ATP2A1: variants seen among roughly 807,000 people sequenced by gnomAD.
ATP2A1 encodes sarcoplasmic/endoplasmic reticulum calcium ATPase 1.
Under a neutral mutation model 109.5 loss-of-function variants are expected in ATP2A1, and 83 were observed. That is an observed-to-expected ratio of 0.76 (90% CI 0.63 to 0.91). ATP2A1 has a LOEUF of 0.91. Ranked by LOEUF, ATP2A1 falls within the 40% of genes least tolerant of loss-of-function variation. The pLI, the probability that ATP2A1 is intolerant of heterozygous loss-of-function variation, is 0.00. For missense variants in ATP2A1, 1,101 were observed against 1,341.0 expected (o/e 0.82, Z 2.80); for synonymous variants, 505 against 537.6 (o/e 0.94, Z 0.84).
At chr16:28,901,328 CAAAAAAAA>C (rs768320423) in intron 15 of ATP2A1, among the ~76,000 whole-genome samples, 1 of 55,922 alleles carries the variant, frequency 1.8e-5, no homozygotes, top group Admixed American at 2.2e-4. Context: ...GACCCTGTCT[CAAAAAAAA>C]AAAAAAAAAA....
intron 6 of ATP2A1, among the ~76,000 whole-genome samples, chr16:28,884,946 T>C (rs1446907611): frequency 1.3e-5 from 2 of 151,704 alleles, no homozygotes; most frequent in Non-Finnish European, 2.9e-5. Context: ...TCTGTCAAAA[T>C]AAAAACAAAA....
intron 12 of ATP2A1, among the ~76,000 whole-genome samples, chr16:28,895,360 C>G (rs1028042480): frequency 6.6e-6 from 1 of 152,196 alleles, no homozygotes; most frequent in African/African-American, 2.4e-5. Flanking sequence ...AAAGCCTTTC[C>G]TTGCCCAGAT....
Position 28,900,702 on chromosome 16 carries a change from A to C in ATP2A1, c.1886A>C (p.Lys629Thr), listed in dbSNP as rs778670051. The C allele has an allele frequency of 1.2e-6, 2 of 1,614,018 alleles. No homozygotes were observed. Among genetic ancestry groups the C allele is most frequent in the Non-Finnish European group, 1.7e-6 (2 of 1,179,926 alleles). Residue 629 changes from lysine to threonine, a missense_variant, in exon 15 of 23, where the codon AAG becomes ACG. Transcript: ENST00000395503. ...IRVIMITGDN[K>T]GTAIAICRRI... ...GTGATCATGATCACTGGGGACAACA[A>C]GGGCACAGCCATTGCCATCTGCCGG...
intron 9 of ATP2A1, among the ~76,000 whole-genome samples, chr16:28,893,446 G>A (rs995427818): frequency 1.5e-4 from 23 of 152,054 alleles, no homozygotes; most frequent in Non-Finnish European, 1.8e-4. Context: ...AGATTTCATA[G>A]GAAGATAACC....
Position 28,904,459 on chromosome 16 carries a change from A to C in ATP2A1, c.*317A>C, listed in dbSNP as rs1375078058. 45 of 1,518,882 alleles carry C rather than the reference A, an allele frequency of 3.0e-5. No individual in the cohort carries two copies. Among genetic ancestry groups the C allele is most frequent in the Non-Finnish European group, 3.8e-5 (43 of 1,136,096 alleles). 94.1% of individuals were successfully genotyped at this position (1,518,882 alleles called of 1,614,324 possible). ...TTATTTATTGAAAATAAACGACGGA[A>C]AAGTCTGGCCTTGCCTCTGTGCAAG... On this transcript the variant is annotated 3_prime_UTR_variant, in exon 23 of 23. Coordinates refer to ENST00000395503, the MANE Select transcript of ATP2A1 (RefSeq NM_004320.6).
intron 4 of ATP2A1, 93 bp downstream of exon 4, chr16:28,881,112 C>G: frequency 1.6e-6 from 2 of 1,260,288 alleles, no homozygotes; most frequent in Non-Finnish European, 2.3e-6. Flanking sequence ...TCACCTCCCC[C>G]ATACTTGCCT....
intron 1 of ATP2A1, 71 bp from the exon 2 acceptor site, chr16:28,879,028 A>G (rs781433311): frequency 6.4e-5 from 102 of 1,601,978 alleles, no homozygotes; most frequent in Non-Finnish European, 8.3e-5. Flanking sequence ...CTTAGCCACA[A>G]AGTCTTGGGT....
At chr16:28,892,028 T>G (rs763390867) in intron 9 of ATP2A1, among the ~76,000 whole-genome samples, 11 of 152,194 alleles carry the variant, frequency 7.2e-5, no homozygotes, top group Non-Finnish European at 1.6e-4. Flanking sequence ...CACACATGCT[T>G]CTTTATTAAG....
chr16:28,891,589 C>CAAAAAAAAAAA lies in ATP2A1; in HGVS notation c.1096-2558_1096-2548dup, dbSNP rs58605175. ...TGGGCGACAGAGCGAGACTCCGTCTCAAAAAAAAAAAAAAAAAAGTAGCCA... is the reference window on the plus strand; with the variant it reads ...TGGGCGACAGAGCGAGACTCCGTCTCAAAAAAAAAAAAAAAAAAAAAAAAAAAAAGTAGCCA... On this transcript the variant is annotated intron_variant, in intron 9 of 22. Transcript: ENST00000395503. 4.1e-5 allele frequency among the ~76,000 whole-genome samples: 3 copies of CAAAAAAAAAAA among 72,668 alleles called. 1 individual carries two copies. Among genetic ancestry groups the CAAAAAAAAAAA allele is most frequent in the African/African-American group, 1.3e-4 (2 of 15,176 alleles). The allele number at this position is 72,668 out of a possible 152,430, so 47.7% of individuals were successfully genotyped here.
chr16:28,892,920 T>TCCCCTGCAGA (rs1567485762), intron 9 of ATP2A1, among the ~76,000 whole-genome samples: 3 of 151,992 alleles, frequency 2.0e-5, no homozygotes, highest in Non-Finnish European at 4.4e-5. Context: ...GGCGTATGCC[T>TCCCCTGCAGA]GTACTCCCAG....
Position 28,880,085 on chromosome 16 carries a change from C to A in ATP2A1, c.219+502C>A, listed in dbSNP as rs532572247. 7.0e-6 allele frequency: 7 copies of A among 997,548 alleles called. No homozygotes were observed. The South Asian group carries it at 3.2e-4, about 45-fold the overall frequency. 61.8% of individuals were successfully genotyped at this position (997,548 alleles called of 1,614,324 possible). ...CGGTGTGATGATGACTCCAAGGAGC[C>A]CGGCGCCCGGTCAGGGAGGGCACTG... On this transcript the variant is annotated intron_variant, in intron 3 of 22. Coordinates refer to ENST00000395503, the MANE Select transcript of ATP2A1 (RefSeq NM_004320.6). The surrounding 1 kb of genome is among the most constrained non-coding windows in gnomAD (Gnocchi z 4.2).
chr16:28,887,439 A>AG lies in ATP2A1; in HGVS notation c.646dup (p.Ala216GlyfsTer40). The stretch of plus-strand genomic sequence containing the variant: ...TCCCTTCCCAGGGCACCAACATTGC[A>AG]GCCGGCAAGGCCTTGGGCATCGTGG... On this transcript the variant is annotated frameshift_variant, in exon 8 of 23. Transcript: ENST00000395503. LOFTEE classifies it high-confidence loss of function. 1 of 1,614,050 alleles carries AG rather than the reference A, an allele frequency of 6.2e-7. No homozygotes were observed. Among genetic ancestry groups the AG allele is most frequent in the African/African-American group, 1.3e-5 (1 of 75,018 alleles).
chr16:28,879,718 C>T (rs1456999253), intron 3 of ATP2A1, 135 bp downstream of exon 3: 2 of 1,082,872 alleles, frequency 1.8e-6, no homozygotes, highest in Admixed American at 4.0e-5. Context: ...GGCTGGCGCG[C>T]AGCAGCGGGT....
chr16:28,879,678 T>G, intron 3 of ATP2A1, 95 bp downstream of exon 3: 1 of 1,363,058 alleles, frequency 7.3e-7, no homozygotes, highest in Middle Eastern at 2.4e-4. Context: ...CCCGTCCGAG[T>G]CCCGAGCATC....
chr16:28,900,520 T>G, intron 14 of ATP2A1, 61 bp from the exon 15 acceptor site: 1 of 1,456,016 alleles, frequency 6.9e-7, no homozygotes. Context: ...CCCACCAGCT[T>G]CCTCCAGGGG....
At position 28,903,228 on chromosome 16, in the gene ATP2A1, G is replaced by C. The variant is rs550626299; in HGVS notation, c.2862+81G>C. On this transcript the variant is annotated intron_variant, in intron 20 of 22. Coordinates refer to ENST00000395503, the MANE Select transcript of ATP2A1 (RefSeq NM_004320.6). The surrounding 1 kb of genome is among the most constrained non-coding windows in gnomAD (Gnocchi z 5.6). Reference sequence around the variant, plus strand: ...GCCCATGACCACTCCCACCAGGGGCGCCGATGTGGGAGGCTGGTGGGAGTG... The same window carrying C: ...GCCCATGACCACTCCCACCAGGGGCCCCGATGTGGGAGGCTGGTGGGAGTG... 1.3e-6 allele frequency: 2 copies of C among 1,576,028 alleles called. No homozygotes were observed. Among genetic ancestry groups the C allele is most frequent in the Non-Finnish European group, 1.7e-6 (2 of 1,146,888 alleles).
Position 28,903,423 on chromosome 16 carries a change from C to T in ATP2A1, c.2963C>T (p.Ala988Val), listed in dbSNP as rs1964149581. 1.2e-6 allele frequency: 2 copies of T among 1,613,596 alleles called. No homozygotes were observed. Among genetic ancestry groups the T allele is most frequent in the South Asian group, 1.1e-5 (1 of 91,086 alleles). Residue 988 changes from alanine to valine, a missense_variant, in exon 21 of 23, where the codon GCT becomes GTT. Ala to Val is a moderately conservative substitution (Grantham distance 64). Coordinates refer to ENST00000395503, the MANE Select transcript of ATP2A1 (RefSeq NM_004320.6). The surrounding 1 kb of genome is among the most constrained non-coding windows in gnomAD (Gnocchi z 5.6). ...IGLDEILKFVARNYLEG is the reference protein window; with the variant it reads ...IGLDEILKFVVRNYLEG Reference sequence around the variant, plus strand: ...CTCGACGAAATCCTCAAGTTCGTTGCTCGGAACTACCTAGAGGGTAAGGAG... The same window carrying T: ...CTCGACGAAATCCTCAAGTTCGTTGTTCGGAACTACCTAGAGGGTAAGGAG...
intron 1 of ATP2A1, 119 bp from the exon 2 acceptor site, chr16:28,878,980 T>A: frequency 2.7e-6 from 4 of 1,456,550 alleles, no homozygotes; most frequent in Non-Finnish European, 3.9e-6. Flanking sequence ...GAGGTTTTAA[T>A]GGGATGAACT....
chr16:28,890,518 G>A (rs1433253389), intron 9 of ATP2A1, among the ~76,000 whole-genome samples: 5 of 151,706 alleles, frequency 3.3e-5, no homozygotes, highest in Admixed American at 6.6e-5. Context: ...GGCTAGGTAC[G>A]GTGGCTCACG....
Sources: gnomAD v4.1 joint callset for allele counts (sites outside exome capture counted in the v4.1 genomes callset) on GRCh38, gnomAD v4.1.1 for gene constraint, Gnocchi (gnomAD v3.1) non-coding constraint, MANE v1.5 for transcripts, NCBI Gene and HGNC (gene_info 2026-07-23, HGNC 2026-07-21) for gene names.